The following HEATR5A variants were observed in gnomAD, a reference collection of about 807,000 sequenced individuals.
HEATR5A encodes the protein HEAT repeat containing 5A.
Under a neutral mutation model 218.8 loss-of-function variants are expected in HEATR5A, and 178 were observed. The ratio of observed to expected loss-of-function variants is 0.81; its 90% CI spans 0.72 to 0.92. The LOEUF is 0.92. Ranked by LOEUF, HEATR5A falls within the 40% of genes least tolerant of loss-of-function variation. The pLI is 0.00. For synonymous variants in HEATR5A, 864 were observed against 871.6 expected (o/e 0.99, Z 0.15); for missense variants, 2,420 against 2,418.9 (o/e 1.00, Z -0.01).
intron 1 of HEATR5A, among the ~76,000 whole-genome samples, chr14:31,406,711 A>C (rs2031073826): frequency 6.6e-6 from 1 of 152,186 alleles, no homozygotes; most frequent in African/African-American, 2.4e-5. Flanking sequence ...TAATCCTAGC[A>C]CTTTGGGAGG....
At chr14:31,398,874 C>A in intron 3 of HEATR5A, 93 bp from the exon 4 acceptor site, 2 of 679,094 alleles carry the variant, frequency 2.9e-6, no homozygotes, top group Non-Finnish European at 5.0e-6. Context: ...TGAAAAATAT[C>A]CCCCATTCTC....
rs912172321 is a variant in HEATR5A at position 31,303,871 on chromosome 14, G to A, written c.5239+1034C>T. ...AAAGAAGGAACTGAAAAAAGGTAACGATTAGCAGAGCTACACAGAGAACCT... is the reference window on the plus strand; with the variant it reads ...AAAGAAGGAACTGAAAAAAGGTAACAATTAGCAGAGCTACACAGAGAACCT... On this transcript the variant is annotated intron_variant, in intron 32 of 35. Coordinates refer to ENST00000543095, the MANE Select transcript of HEATR5A (RefSeq NM_015473.4). Among the ~76,000 whole-genome samples the A allele has an allele frequency of 1.4e-4, 21 of 152,164 alleles. No homozygotes were observed. The East Asian group carries it at 2.9e-3, about 21-fold the overall frequency.
Position 31,344,030 on chromosome 14 carries a change from A to C in HEATR5A, c.3094T>G (p.Cys1032Gly), listed in dbSNP as rs754719049. ...TGCATTACTGCACAACCCAGTAGAC[A>C]GGAAGTCCTTAAGGTAGAAATTGAA... Reference protein sequence around the residue: ...STSISTLRTSCLLGCAVMQDN... With the variant: ...STSISTLRTSGLLGCAVMQDN... Residue 1032 changes from cysteine (C) to glycine (G), a missense_variant, in exon 21 of 36, where the codon TGT becomes GGT. By Grantham distance (159) the Cys-to-Gly change is radical. Coordinates refer to ENST00000543095, the MANE Select transcript of HEATR5A (RefSeq NM_015473.4). 1 of 1,575,516 alleles carries C rather than the reference A, an allele frequency of 6.3e-7. No homozygotes were observed. The highest frequency in any genetic ancestry group is 1.2e-5 in the South Asian group (1 of 84,218).
chr14:31,345,930 A>G (rs1901006272), intron 19 of HEATR5A, among the ~76,000 whole-genome samples: 1 of 149,162 alleles, frequency 6.7e-6, no homozygotes, highest in African/African-American at 2.5e-5. Flanking sequence ...ACACACACAC[A>G]ATGGTTTAAA....
chr14:31,298,798 T>C (rs767002498), intron 33 of HEATR5A, among the ~76,000 whole-genome samples: 7 of 151,966 alleles, frequency 4.6e-5, no homozygotes, highest in Admixed American at 2.6e-4. Flanking sequence ...TATGAACTCA[T>C]GCTTGAATGT....
chr14:31,303,404 G>T lies in HEATR5A; in HGVS notation c.5240-885C>A, dbSNP rs531554737. 5.9e-5 allele frequency among the ~76,000 whole-genome samples: 9 copies of T among 152,250 alleles called. No individual in the cohort carries two copies. The South Asian group carries it at 1.7e-3, about 28-fold the overall frequency. On this transcript the variant is annotated intron_variant, in intron 32 of 35. Transcript: ENST00000543095. ...GCTGAGATCGCGCCACTGCACTGCA[G>T]CCTGGGTGACACAGTAAGACTCCAT...
At chr14:31,340,582 T>C (rs1900808858) in intron 21 of HEATR5A, 2 of 670,538 alleles carry the variant, frequency 3.0e-6, no homozygotes, top group Non-Finnish European at 4.4e-6. Context: ...TGTTGATAGT[T>C]ATTATTTAAA....
chr14:31,364,234 T>A lies in HEATR5A; in HGVS notation c.2026A>T (p.Arg676Ter). 6.4e-7 allele frequency: 1 copy of A among 1,555,802 alleles called. No individual in the cohort carries two copies. The highest frequency in any genetic ancestry group is 2.3e-5 in the East Asian group (1 of 42,730). ...LKTPSVVYRQ[R>*]LYELLILLPP... ...AATAAAATCAACAGTTCATAAAGTCTTTGTCTATAAACCACTGACGGTGTT... is the reference window on the plus strand; with the variant it reads ...AATAAAATCAACAGTTCATAAAGTCATTGTCTATAAACCACTGACGGTGTT... The change falls in exon 14 of 36, where the codon AGA becomes TGA. Residue 676 changes from arginine to a stop codon, truncating the protein, a stop_gained. Coordinates refer to ENST00000543095, the MANE Select transcript of HEATR5A (RefSeq NM_015473.4). LOFTEE classifies it high-confidence loss of function.
At chr14:31,389,243 T>C (rs1272025490) in intron 6 of HEATR5A, among the ~76,000 whole-genome samples, 1 of 152,216 alleles carries the variant, frequency 6.6e-6, no homozygotes, top group Non-Finnish European at 1.5e-5. Flanking sequence ...ACTAAGATCA[T>C]GACCTATTGC....
rs367661275 is a variant in HEATR5A, at chr14:31,415,377, C to A, written c.-75+5095G>T. Among the ~76,000 whole-genome samples the A allele has an allele frequency of 2.0e-5, 3 of 152,190 alleles. No homozygotes were observed. In the East Asian group the frequency reaches 5.8e-4, roughly 29 times the overall value. On this transcript the variant is annotated intron_variant, in intron 1 of 35. Coordinates refer to ENST00000543095, the MANE Select transcript of HEATR5A (RefSeq NM_015473.4). Reference sequence around the variant, plus strand: ...CTACTCATGGAATACAGTAAACATACCATCTATTCCATCAAATCCCCACAA... The same window carrying A: ...CTACTCATGGAATACAGTAAACATAACATCTATTCCATCAAATCCCCACAA...
Position 31,305,117 on chromosome 14 carries a change from C to T in HEATR5A, c.5027G>A (p.Gly1676Glu). The T allele has an allele frequency of 6.2e-7, 1 of 1,613,986 alleles. No homozygotes were observed. The highest frequency in any genetic ancestry group is 8.5e-7 in the Non-Finnish European group (1 of 1,179,862). Residue 1676 changes from glycine to glutamate, a missense_variant, in exon 32 of 36, where the codon GGA becomes GAA. Gly to Glu is a moderately conservative substitution (Grantham distance 98). Transcript: ENST00000543095. ...LPEFGEGKDT[G>E]GLVPGKSLVF... ...CAAAGACTTTCCAGGCACAAGTCCT[C>T]CGGTGTCCTTTCCCTCTCCAAACTC...
chr14:31,415,842 T>C (rs1283772441), intron 1 of HEATR5A, among the ~76,000 whole-genome samples: 1 of 152,144 alleles, frequency 6.6e-6, no homozygotes, highest in Admixed American at 6.5e-5. Context: ...ATTTACCCAT[T>C]AAGAAGCATT....
intron 16 of HEATR5A, among the ~76,000 whole-genome samples, chr14:31,355,900 T>C (rs1448393519): frequency 1.3e-5 from 2 of 152,210 alleles, no homozygotes; most frequent in African/African-American, 4.8e-5. Flanking sequence ...TTATATTACG[T>C]AAGTATTATT....
chr14:31,368,169 GC>G (rs1219782742), intron 13 of HEATR5A, among the ~76,000 whole-genome samples: 2 of 152,076 alleles, frequency 1.3e-5, no homozygotes, highest in African/African-American at 4.8e-5. Flanking sequence ...AGGGAGTTTG[GC>G]CCTTTTTTTT....
At chr14:31,321,232 C>G (rs1276352131) in intron 25 of HEATR5A, among the ~76,000 whole-genome samples, 1 of 151,946 alleles carries the variant, frequency 6.6e-6, no homozygotes, top group Non-Finnish European at 1.5e-5. Flanking sequence ...AATCTCGGCT[C>G]ACTGCAACCT....
At chr14:31,419,534 T>G (rs1219414511) in intron 1 of HEATR5A, among the ~76,000 whole-genome samples, 1 of 152,204 alleles carries the variant, frequency 6.6e-6, no homozygotes, top group East Asian at 1.9e-4. Flanking sequence ...CTCCTTAAAC[T>G]TCTAATATCT....
In HEATR5A at chr14:31,395,809, C is replaced by G. The variant is rs373284588; in HGVS notation, c.448-461G>C. Reference sequence around the variant, plus strand: ...TACACACAAAGTGCTTACAACAAGCCCAGACATACAACAAATGTTCAATAG... The same window carrying G: ...TACACACAAAGTGCTTACAACAAGCGCAGACATACAACAAATGTTCAATAG... On this transcript the variant is annotated intron_variant, in intron 4 of 35. Transcript: ENST00000543095. Among the ~76,000 whole-genome samples, 38 of 152,086 alleles carry G rather than the reference C, an allele frequency of 2.5e-4. No homozygotes were observed. In the East Asian group the frequency reaches 7.0e-3, roughly 28 times the overall value.
chr14:31,374,260 C>T (rs957732803), intron 12 of HEATR5A, among the ~76,000 whole-genome samples: 9 of 140,452 alleles, frequency 6.4e-5, no homozygotes, highest in African/African-American at 2.4e-4. Flanking sequence ...GCTGTGTTCA[C>T]ACCACAACAT....
At chr14:31,403,099 C>A (rs1343331213) in intron 1 of HEATR5A, 50 bp from the exon 2 acceptor site, 1 of 822,986 alleles carries the variant, frequency 1.2e-6, no homozygotes, top group Admixed American at 3.0e-5. Flanking sequence ...AAAAGGAAGG[C>A]AATCATAACG....
Sources: allele counts gnomAD v4.1 joint callset (sites outside exome capture counted in the v4.1 genomes callset), GRCh38; gene constraint gnomAD v4.1.1; transcripts MANE v1.5; gene names NCBI Gene and HGNC (gene_info 2026-07-23, HGNC 2026-07-21).